Variants in ADAMTS8 observed in about 807,000 individuals in gnomAD.
The protein encoded by ADAMTS8 is ADAM metallopeptidase with thrombospondin type 1 motif 8.
In ADAMTS8, 50 loss-of-function variants were observed where a neutral mutation model predicts 64.4. The observed-to-expected ratio is 0.78, with a 90% CI of 0.62 to 0.98. The LOEUF is 0.98. Among genes scored for constraint, ADAMTS8 ranks in the 50% least tolerant of loss-of-function variants. The pLI, the probability that ADAMTS8 is intolerant of heterozygous loss-of-function variation, is 0.00. For missense variants in ADAMTS8, 1,192 were observed against 1,208.2 expected, an observed-to-expected ratio of 0.99 and a Z score of 0.20; for synonymous variants, 556 against 533.6, an observed-to-expected ratio of 1.04 and a Z score of -0.58.
chr11:130,416,871 G>A lies in ADAMTS8; in HGVS notation c.1096+69C>T, dbSNP rs2291347. On this transcript the variant is annotated intron_variant, in intron 3 of 8. Coordinates refer to ENST00000257359, the MANE Select transcript of ADAMTS8 (RefSeq NM_007037.6). The surrounding 1 kb of genome is among the most constrained non-coding windows in gnomAD (Gnocchi z 4.8). ...GGGCCGCATATTCCTTAGGATCTACGCAACCTTGGATCTGGAAGAGCAGTT... is the reference window on the plus strand; with the variant it reads ...GGGCCGCATATTCCTTAGGATCTACACAACCTTGGATCTGGAAGAGCAGTT... 799,906 of 1,605,284 alleles carry A rather than the reference G, an allele frequency of 0.5. 202,798 individuals are homozygous for A. Among genetic ancestry groups the A allele is most frequent in the East Asian group, 0.6 (26,968 of 44,674 alleles).
Position 130,416,444 on chromosome 11 carries a change from G to T in ADAMTS8, c.1097-114C>A. On this transcript the variant is annotated intron_variant, in intron 3 of 8. Transcript: ENST00000257359. The surrounding 1 kb of genome is among the most constrained non-coding windows in gnomAD (Gnocchi z 4.8). ...GGGAGCAGCCACCCCCTCACTCTCC[G>T]AAGATTTCTGCGTAGGGCTTTCCCC... 1.6e-6 allele frequency: 2 copies of T among 1,214,944 alleles called. No homozygotes were observed. The highest frequency in any genetic ancestry group is 2.2e-6 in the Non-Finnish European group (2 of 900,054). The allele number at this position is 1,214,944 out of a possible 1,614,324, so 75.3% of individuals were successfully genotyped here.
intron 6 of ADAMTS8, among the ~76,000 whole-genome samples, chr11:130,410,878 A>T (rs1371173433): frequency 6.6e-6 from 1 of 152,168 alleles, no homozygotes; most frequent in African/African-American, 2.4e-5. Context: ...CCAAGGGAAG[A>T]TGGGCAACTC....
At chr11:130,422,187 C>T (rs1432472444) in intron 1 of ADAMTS8, among the ~76,000 whole-genome samples, 3 of 152,116 alleles carry the variant, frequency 2.0e-5, no homozygotes, top group Non-Finnish European at 4.4e-5. Context: ...TGTCTGTAAC[C>T]CCAGCACTTT....
At chr11:130,414,232 C>T (rs145975869) in intron 5 of ADAMTS8, among the ~76,000 whole-genome samples, 276 of 151,204 alleles carry the variant, frequency 1.8e-3, no homozygotes, top group African/African-American at 5.4e-3. Flanking sequence ...CAAGTGATCT[C>T]CCTGCCTCCG....
In ADAMTS8 at chr11:130,427,802, G is replaced by C. The variant is rs781772779; in HGVS notation, c.485C>G (p.Pro162Arg). 9 of 1,573,088 alleles carry C rather than the reference G, an allele frequency of 5.7e-6. No homozygotes were observed. In the Admixed American group the frequency reaches 7.2e-5, roughly 13 times the overall value. ...RWGPAGARPL[P>R]RGPEWEVETG... ...CTCCACCTCCCACTCGGGTCCTCGC[G>C]GGAGGGGGCGGGCTCCGGCGGGACC... The change falls in exon 1 of 9, where the codon CCG becomes CGG. Residue 162 changes from proline to arginine, a missense_variant. Physicochemically the swap from Pro to Arg is moderately radical, Grantham distance 103 (BLOSUM62 -2). Coordinates refer to ENST00000257359, the MANE Select transcript of ADAMTS8 (RefSeq NM_007037.6).
At position 130,428,460 on chromosome 11, in the gene ADAMTS8, C is replaced by G. The variant is rs1862214639; in HGVS notation, c.-174G>C. On this transcript the variant is annotated 5_prime_UTR_variant, in exon 1 of 9. Transcript: ENST00000257359. ...GGCGGGAGCGCTCCCCCGGCGGCCC[C>G]TCTGGCTGGCGCAGCCCGCTCCTCC... 9.7e-7 allele frequency: 1 copy of G among 1,028,258 alleles called. No homozygotes were observed. The highest frequency in any genetic ancestry group is 1.2e-6 in the Non-Finnish European group (1 of 860,704). The allele number at this position is 1,028,258 out of a possible 1,614,324, so 63.7% of individuals were successfully genotyped here. A position where few individuals can be genotyped will look rare whatever the true frequency, so the allele number is the denominator to read the frequency against.
In ADAMTS8 at chr11:130,420,164, G is replaced by A. The variant is rs73044804; in HGVS notation, c.721-872C>T. On this transcript the variant is annotated intron_variant, in intron 1 of 8. Coordinates refer to ENST00000257359, the MANE Select transcript of ADAMTS8 (RefSeq NM_007037.6). ...TCCTGGTGTCTGCCTGGACAGCCCCGAAGGGTTCGTTCCCTCCTGACTGGG... is the reference window on the plus strand; with the variant it reads ...TCCTGGTGTCTGCCTGGACAGCCCCAAAGGGTTCGTTCCCTCCTGACTGGG... 4.7e-3 allele frequency among the ~76,000 whole-genome samples: 722 copies of A among 152,280 alleles called. 3 individuals are homozygous for A. The highest frequency in any genetic ancestry group is 0.01 in the Middle Eastern group (3 of 294).
rs1460644918 is a variant in ADAMTS8, at chr11:130,427,803, G to A, written c.484C>T (p.Pro162Ser). The A allele has an allele frequency of 3.8e-6, 6 of 1,573,218 alleles. No homozygotes were observed. The highest frequency in any genetic ancestry group is 5.2e-6 in the Non-Finnish European group (6 of 1,161,208). ...RWGPAGARPL[P>S]RGPEWEVETG... is the part of the protein sequence containing the mutation. ...TCCACCTCCCACTCGGGTCCTCGCG[G>A]GAGGGGGCGGGCTCCGGCGGGACCC... is the stretch of plus-strand genomic sequence containing the variant. The change falls in exon 1 of 9, where the codon CCG becomes TCG. Residue 162 changes from proline (P) to serine (S), a missense_variant. Transcript: ENST00000257359.
chr11:130,427,819 G>C lies in ADAMTS8; in HGVS notation c.468C>G (p.Ala156=). The C allele has an allele frequency of 6.4e-7, 1 of 1,559,074 alleles. No individual in the cohort carries two copies. The highest frequency in any genetic ancestry group is 8.7e-7 in the Non-Finnish European group (1 of 1,154,704). ...QPHRLQRWGP[A]GARPLPRGPE... is the part of the protein sequence containing the mutation. ...GTCCTCGCGGGAGGGGGCGGGCTCC[G>C]GCGGGACCCCAGCGCTGCAGGCGGT... Residue 156 remains alanine, a synonymous_variant, in exon 1 of 9, where the codon GCC becomes GCG. Transcript: ENST00000257359.
Position 130,408,649 on chromosome 11 carries a change from G to T in ADAMTS8, c.1924-10C>A. ...GGGTGCCATCAATCACCTGCAACGGGGAAAGGGAAGGTGAGGGAGGGCGTG... is the reference window on the plus strand; with the variant it reads ...GGGTGCCATCAATCACCTGCAACGGTGAAAGGGAAGGTGAGGGAGGGCGTG... On this transcript the variant is annotated splice_polypyrimidine_tract_variant and intron_variant, in intron 7 of 8. Transcript: ENST00000257359. 1 of 1,613,740 alleles carries T rather than the reference G, an allele frequency of 6.2e-7. No individual in the cohort carries two copies. The highest frequency in any genetic ancestry group is 8.5e-7 in the Non-Finnish European group (1 of 1,179,730).
At position 130,427,711 on chromosome 11, in the gene ADAMTS8, T is replaced by C; in HGVS notation, c.576A>G (p.Glu192=). The C allele has an allele frequency of 3.1e-6, 5 of 1,595,556 alleles. No individual in the cohort carries two copies. The highest frequency in any genetic ancestry group is 4.3e-6 in the Non-Finnish European group (5 of 1,172,090). Residue 192 remains glutamate (E), a synonymous_variant, in exon 1 of 9, where the codon GAA becomes GAG. Transcript: ENST00000257359. The part of the protein sequence containing the change: ...HQEDSEEESQ[E]EEAEGASEPP... Reference sequence around the variant, plus strand: ...GCTCGCTAGCGCCTTCTGCCTCCTCTTCTTGGCTCTCCTCCTCGCTGTCCT... The same window carrying C: ...GCTCGCTAGCGCCTTCTGCCTCCTCCTCTTGGCTCTCCTCCTCGCTGTCCT...
intron 1 of ADAMTS8, among the ~76,000 whole-genome samples, chr11:130,426,475 G>A (rs1379718876): frequency 2.6e-5 from 4 of 152,206 alleles, no homozygotes; most frequent in African/African-American, 4.8e-5. Context: ...CAGGATCCCT[G>A]TTTCAGGGAA....
rs1465567291 is a variant in ADAMTS8 at position 130,419,241 on chromosome 11, T to C, written c.772A>G (p.Ser258Gly). ...ATCAGGTTGATGGAATTCTTGATGC[T>C]GGGGTGCTTGTAGATTCGGGCTGCC... ...SVAARIYKHPSIKNSINLMVV... is the reference protein window; with the variant it reads ...SVAARIYKHPGIKNSINLMVV... Residue 258 changes from serine to glycine, a missense_variant, in exon 2 of 9, where the codon AGC becomes GGC. Around this residue, in one of 5 missense-constraint regions of ADAMTS8, gnomAD observed 741 missense variants for 710.6 expected, o/e 1.04. Coordinates refer to ENST00000257359, the MANE Select transcript of ADAMTS8 (RefSeq NM_007037.6). 1 of 1,614,084 alleles carries C rather than the reference T, an allele frequency of 6.2e-7. No individual in the cohort carries two copies. Among genetic ancestry groups the C allele is most frequent in the Non-Finnish European group, 8.5e-7 (1 of 1,180,040 alleles).
At chr11:130,412,295 C>A (rs1006030334) in intron 5 of ADAMTS8, among the ~76,000 whole-genome samples, 8 of 152,182 alleles carry the variant, frequency 5.3e-5, no homozygotes, top group South Asian at 2.1e-4. Flanking sequence ...CTCACTGCAA[C>A]CTCCGCCTCC....
chr11:130,417,198 T>C (rs937937601), intron 2 of ADAMTS8, 123 bp from the exon 3 acceptor site: 1 of 1,106,518 alleles, frequency 9.0e-7, no homozygotes, highest in Non-Finnish European at 1.3e-6. Flanking sequence ...CCATAACATG[T>C]TTGCTGGCCT....
chr11:130,422,504 G>T (rs540993613), intron 1 of ADAMTS8, among the ~76,000 whole-genome samples: 7 of 152,168 alleles, frequency 4.6e-5, no homozygotes, highest in Admixed American at 6.5e-5. Context: ...GCGCGCCTGG[G>T]GGGAGGTCAG....
Position 130,428,241 on chromosome 11 carries a change from GCA to G in ADAMTS8, c.44_45del (p.Leu15ProfsTer184), listed in dbSNP as rs1862208371. 8 of 1,226,704 alleles carry G rather than the reference GCA, an allele frequency of 6.5e-6. No homozygotes were observed. Among genetic ancestry groups the G allele is most frequent in the Non-Finnish European group, 7.1e-6 (7 of 989,558 alleles). 76.0% of individuals were successfully genotyped at this position (1,226,704 alleles called of 1,614,324 possible). On this transcript the variant is annotated frameshift_variant, in exon 1 of 9. Coordinates refer to ENST00000257359, the MANE Select transcript of ADAMTS8 (RefSeq NM_007037.6). LOFTEE classifies it high-confidence loss of function. ...GCCAGCGGCAGCAGCAGCAGCAGCA[GCA>G]GCAGGAGCGGAGGCCACCGGGGGGC... Reference protein sequence around the residue: ...PAAPRWPPLLLLLLLLLPLAR... With the variant: ...PAAPRWPPLLXLLLLLLPLAR...
Position 130,415,603 on chromosome 11 carries a change from CT to C in ADAMTS8, c.1264+559del, listed in dbSNP as rs386375276. Among the ~76,000 whole-genome samples, 793 of 104,778 alleles carry C rather than the reference CT, an allele frequency of 7.6e-3. 1 individual carries two copies. The highest frequency in any genetic ancestry group is 0.026 in the Middle Eastern group (3 of 116). 68.7% of individuals were successfully genotyped at this position (104,778 alleles called of 152,430 possible). ...CGGGCAGAAGCCACTGCACCTGGCC[CT>C]TTTTTTTTTTTTTTTTTTTAAAGAG... On this transcript the variant is annotated intron_variant, in intron 4 of 8. Coordinates refer to ENST00000257359, the MANE Select transcript of ADAMTS8 (RefSeq NM_007037.6).
intron 1 of ADAMTS8, among the ~76,000 whole-genome samples, chr11:130,425,904 T>G (rs1018524376): frequency 1.3e-5 from 2 of 152,238 alleles, no homozygotes; most frequent in African/African-American, 4.8e-5. Context: ...CCCGGCCATC[T>G]TAGCTTCTTT....
Sources: gnomAD v4.1 joint callset for allele counts (sites outside exome capture counted in the v4.1 genomes callset) on GRCh38, gnomAD v4.1.1 for gene constraint, gnomAD v4.1.1 regional missense constraint, Gnocchi (gnomAD v3.1) non-coding constraint, MANE v1.5 for transcripts, NCBI Gene and HGNC (gene_info 2026-07-23, HGNC 2026-07-21) for gene names.